CCDC40: variants seen among roughly 807,000 people sequenced by gnomAD.
CCDC40 encodes the protein coiled-coil domain 40 molecular ruler complex subunit.
CCDC40 carries 104 observed loss-of-function variants against 124.5 expected under a neutral mutation model. The observed-to-expected ratio is 0.84, with a 90% CI of 0.71 to 0.98. The LOEUF (loss-of-function observed/expected upper bound fraction) is 0.98, where lower values mean the gene tolerates loss of function less well. CCDC40 is among the 50% of genes least tolerant of loss of function. The pLI is 0.00. For synonymous variants in CCDC40, 580 were observed against 602.9 expected (o/e 0.96, Z 0.56); for missense variants, 1,463 against 1,503.9 (o/e 0.97, Z 0.45).
At chr17:80,090,245 G>GA (rs1335966426) in intron 17 of CCDC40, 4 of 870,854 alleles carry the variant, frequency 4.6e-6, no homozygotes, top group African/African-American at 1.8e-5. Flanking sequence ...GCACGTGCAC[G>GA]AACAACACGG....
Position 80,050,274 on chromosome 17 carries a change from C to G in CCDC40, c.1150C>G (p.Arg384Gly). The G allele has an allele frequency of 1.3e-6, 2 of 1,562,168 alleles. No homozygotes were observed. Among genetic ancestry groups the G allele is most frequent in the Non-Finnish European group, 8.7e-7 (1 of 1,154,654 alleles). The change falls in exon 7 of 20, where the codon CGC becomes GGC. Residue 384 changes from arginine (R) to glycine (G), a missense_variant. Arg to Gly is a moderately radical substitution (Grantham distance 125). Coordinates refer to ENST00000397545, the MANE Select transcript of CCDC40 (RefSeq NM_017950.4). ...GACCTGCGCAGCCGCCAACGAGGAG[C>G]GCAAAAAGTGTAAGGCAACCCGGCA... ...TKTCAAANEE[R>G]KKLAALQTEM...
rs1371533907 is a variant in CCDC40 at position 80,038,078 on chromosome 17, A to G, written c.30-45A>G. ...CAGGAGGGGATAAGGACCAAGAAAA[A>G]GAAAGCTGTTGCTTGAAACTGTTCA... On this transcript the variant is annotated intron_variant, in intron 1 of 19. Coordinates refer to ENST00000397545, the MANE Select transcript of CCDC40 (RefSeq NM_017950.4). 5.9e-6 allele frequency: 8 copies of G among 1,358,514 alleles called. No individual in the cohort carries two copies. The Admixed American group carries it at 1.4e-4, about 23-fold the overall frequency. 84.2% of individuals were successfully genotyped at this position (1,358,514 alleles called of 1,614,324 possible).
At chr17:80,062,195 G>C (rs1300179044) in intron 9 of CCDC40, among the ~76,000 whole-genome samples, 1 of 152,156 alleles carries the variant, frequency 6.6e-6, no homozygotes, top group Non-Finnish European at 1.5e-5. Context: ...AAGACCCCAA[G>C]AAGAGGACAT....
chr17:80,057,765 A>G (rs2037787804), intron 7 of CCDC40, among the ~76,000 whole-genome samples: 1 of 151,570 alleles, frequency 6.6e-6, no homozygotes, highest in Non-Finnish European at 1.5e-5. Context: ...AGTCCCAGCT[A>G]CTCGGGAGGC....
chr17:80,064,858 C>T (rs2037995488), intron 9 of CCDC40, among the ~76,000 whole-genome samples: 1 of 152,012 alleles, frequency 6.6e-6, no homozygotes, highest in African/African-American at 2.4e-5. Flanking sequence ...GAGCATCCAG[C>T]CCTGGCCATT....
chr17:80,049,851 G>C, intron 5 of CCDC40, 55 bp from the exon 6 acceptor site: 16 of 1,510,608 alleles, frequency 1.1e-5, no homozygotes, highest in South Asian at 4.5e-5. Context: ...TGAGCCCTGG[G>C]TCGGGCAGGA....
At chr17:80,064,043 A>T (rs1432613219) in intron 9 of CCDC40, among the ~76,000 whole-genome samples, 1 of 152,176 alleles carries the variant, frequency 6.6e-6, no homozygotes, top group Non-Finnish European at 1.5e-5. Context: ...GGATGTACAC[A>T]GTGTCCCTTC....
rs774853047 is a variant in CCDC40, at chr17:80,040,310, G to T, written c.552+40G>T. 2.3e-5 allele frequency: 37 copies of T among 1,577,384 alleles called. No individual in the cohort carries two copies. The Admixed American group carries it at 6.4e-4, about 27-fold the overall frequency. Reference sequence around the variant, plus strand: ...CTTCTGTTTTGTGCCAGTGTCGCACGGCCCACGGGGTTTGTCACCCTATGT... The same window carrying T: ...CTTCTGTTTTGTGCCAGTGTCGCACTGCCCACGGGGTTTGTCACCCTATGT... On this transcript the variant is annotated intron_variant, in intron 3 of 19. Coordinates refer to ENST00000397545, the MANE Select transcript of CCDC40 (RefSeq NM_017950.4).
intron 9 of CCDC40, among the ~76,000 whole-genome samples, chr17:80,064,740 C>T (rs2037992648): frequency 6.6e-6 from 1 of 151,778 alleles, no homozygotes; most frequent in African/African-American, 2.4e-5. Flanking sequence ...CCACGATGCC[C>T]CTAGACTTCC....
At chr17:80,054,572 A>T (rs2037689783) in intron 7 of CCDC40, among the ~76,000 whole-genome samples, 1 of 152,204 alleles carries the variant, frequency 6.6e-6, no homozygotes, top group African/African-American at 2.4e-5. Context: ...GAGGAGTGAA[A>T]ATCCTGAACA....
chr17:80,037,531 CAT>C (rs1312115353), intron 1 of CCDC40, among the ~76,000 whole-genome samples: 1 of 151,476 alleles, frequency 6.6e-6, no homozygotes, highest in Non-Finnish European at 1.5e-5. Context: ...GTGTTTAAAA[CAT>C]AGAAAAATGT....
chr17:80,048,635 G>A lies in CCDC40; in HGVS notation c.729G>A (p.Val243=). The A allele has an allele frequency of 1.2e-6, 2 of 1,614,080 alleles. No homozygotes were observed. Among genetic ancestry groups the A allele is most frequent in the Non-Finnish European group, 1.7e-6 (2 of 1,180,030 alleles). ...ACCCCAGGGAAGGAGACCTGCCAGT[G>A]TTCCAGGACCAGATCCAGCAGCCCA... The part of the protein sequence containing the change: ...DAHPREGDLP[V]FQDQIQQPST... Residue 243 remains valine (V), a synonymous_variant, in exon 5 of 20, where the codon GTG becomes GTA. Transcript: ENST00000397545.
At chr17:80,072,672 G>A (rs756204733) in intron 10 of CCDC40, among the ~76,000 whole-genome samples, 5 of 152,120 alleles carry the variant, frequency 3.3e-5, no homozygotes, top group East Asian at 1.9e-4. Context: ...AAATGGAATC[G>A]CGCAGTCTGT....
chr17:80,047,253 C>T (rs1374929461), intron 3 of CCDC40, 26 bp from the exon 4 acceptor site: 4 of 1,612,528 alleles, frequency 2.5e-6, no homozygotes, highest in Non-Finnish European at 3.4e-6. Flanking sequence ...GCCCTGTTGA[C>T]TTAGTTTTGG....
chr17:80,085,990 A>T lies in CCDC40; in HGVS notation c.2236-13A>T, dbSNP rs1184099473. 6.2e-7 allele frequency: 1 copy of T among 1,613,120 alleles called. No homozygotes were observed. Among genetic ancestry groups the T allele is most frequent in the Non-Finnish European group, 8.5e-7 (1 of 1,179,456 alleles). ...CAGCCCTAATTTTGCTTTTTGATGA[A>T]TATCCGGTCTAGGGGGAAGAAGTGG... On this transcript the variant is annotated splice_polypyrimidine_tract_variant and intron_variant, in intron 13 of 19. Coordinates refer to ENST00000397545, the MANE Select transcript of CCDC40 (RefSeq NM_017950.4).
chr17:80,067,615 C>A, intron 10 of CCDC40: 1 of 1,536,254 alleles, frequency 6.5e-7, no homozygotes, highest in African/African-American at 1.4e-5. Flanking sequence ...CTGCCCGGGG[C>A]ATCGAGGGCG....
chr17:80,080,536 C>T (rs1206669454), intron 10 of CCDC40, among the ~76,000 whole-genome samples: 2 of 152,232 alleles, frequency 1.3e-5, no homozygotes, highest in Non-Finnish European at 2.9e-5. Context: ...GGTGTTCCCT[C>T]AGCCACGCTG....
In CCDC40 at chr17:80,088,134, A is replaced by C. The variant is rs140481187; in HGVS notation, c.2711+32A>C. 1,089 of 1,501,856 alleles carry C rather than the reference A, an allele frequency of 7.3e-4. 9 individuals carry two copies. In the African/African-American group the frequency reaches 0.013, roughly 18 times the overall value. The allele number at this position is 1,501,856 out of a possible 1,614,324, so 93.0% of individuals were successfully genotyped here. ...CCCAGTCTCCAGCCACACGTGGGTC[A>C]TGAAGGTCACTGCACCTACAGGCCT... On this transcript the variant is annotated intron_variant, in intron 16 of 19. Transcript: ENST00000397545.
intron 16 of CCDC40, among the ~76,000 whole-genome samples, chr17:80,088,869 C>T (rs1011137893): frequency 1.3e-5 from 2 of 152,158 alleles, no homozygotes; most frequent in African/African-American, 2.4e-5. Context: ...TCCCAGATTC[C>T]CCACAGAGTC....
Sources: gnomAD v4.1 joint callset for allele counts (sites outside exome capture counted in the v4.1 genomes callset) on GRCh38, gnomAD v4.1.1 for gene constraint, MANE v1.5 for transcripts, NCBI Gene and HGNC (gene_info 2026-07-23, HGNC 2026-07-21) for gene names.